The following SPMAP2L variants were observed in gnomAD, a reference collection of about 807,000 sequenced individuals.
SPMAP2L encodes the protein sperm microtubule associated protein 2-like.
the SPMAP2L span, chr4:56,593,380 C>G: frequency 1.6e-6 from 2 of 1,276,628 alleles, no homozygotes; most frequent in South Asian, 2.4e-5. Flanking sequence ...TACTGGAGTC[C>G]TCATTGAGCT....
chr4:56,563,450 T>G, the SPMAP2L span, among the ~76,000 whole-genome samples: 1 of 151,916 alleles, frequency 6.6e-6, no homozygotes, highest in Non-Finnish European at 1.5e-5. Context: ...TTTTGGTGCT[T>G]GCTGGTTGAA....
the SPMAP2L span, among the ~76,000 whole-genome samples, chr4:56,584,058 T>G: frequency 1.3e-5 from 2 of 151,978 alleles, no homozygotes; most frequent in East Asian, 3.9e-4. Flanking sequence ...CCTTGACCTC[T>G]TGGGCTCAAG....
the SPMAP2L span, among the ~76,000 whole-genome samples, chr4:56,611,059 G>A: frequency 2.0e-5 from 3 of 152,276 alleles, no homozygotes; most frequent in East Asian, 5.8e-4. Context: ...ACTAAAAGTA[G>A]AACTATCATT....
At chr4:56,572,942 G>A in the SPMAP2L span, among the ~76,000 whole-genome samples, 2 of 151,838 alleles carry the variant, frequency 1.3e-5, no homozygotes, top group Admixed American at 6.6e-5. Context: ...CTTGAACCCA[G>A]GAGGCAGAGG....
the SPMAP2L span, among the ~76,000 whole-genome samples, chr4:56,558,419 A>G: frequency 6.6e-6 from 1 of 152,090 alleles, no homozygotes; most frequent in Non-Finnish European, 1.5e-5. Context: ...TTGTGGCCAA[A>G]ATTTGTTTTA....
At chr4:56,610,268 G>T in the SPMAP2L span, among the ~76,000 whole-genome samples, 75 of 147,384 alleles carry the variant, frequency 5.1e-4, 1 homozygote, top group Non-Finnish European at 8.9e-4. Context: ...CAATGGAACA[G>T]ATAGAGAACC....
At chr4:56,599,153 G>A in the SPMAP2L span, among the ~76,000 whole-genome samples, 1 of 151,850 alleles carries the variant, frequency 6.6e-6, no homozygotes, top group Non-Finnish European at 1.5e-5. Context: ...CTAAGTGTGT[G>A]TATATATGTA....
At chr4:56,611,816 T>C in the SPMAP2L span, among the ~76,000 whole-genome samples, 9 of 151,852 alleles carry the variant, frequency 5.9e-5, no homozygotes, top group Non-Finnish European at 1.0e-4. Flanking sequence ...CCAAATACGC[T>C]CCCTAAGCCA....
the SPMAP2L span, among the ~76,000 whole-genome samples, chr4:56,573,863 G>A: frequency 2.2e-4 from 33 of 152,222 alleles, 1 homozygote; most frequent in Middle Eastern, 0.01. Context: ...AGTCTTATAT[G>A]CAGATTGAGG....
chr4:56,551,048 C>T, the SPMAP2L span, among the ~76,000 whole-genome samples: 29 of 152,132 alleles, frequency 1.9e-4, no homozygotes, highest in Non-Finnish European at 7.4e-5. Flanking sequence ...CCTCCTCCCA[C>T]GGTGCATCAA....
At chr4:56,615,704 C>T in the SPMAP2L span, among the ~76,000 whole-genome samples, 9 of 152,036 alleles carry the variant, frequency 5.9e-5, no homozygotes, top group Non-Finnish European at 1.0e-4. Context: ...GGTGAGATTG[C>T]GCCACTGCAC....
the SPMAP2L span, among the ~76,000 whole-genome samples, chr4:56,580,190 A>G: frequency 1.3e-5 from 2 of 152,190 alleles, no homozygotes; most frequent in Non-Finnish European, 2.9e-5. Context: ...CTACTAGCAA[A>G]CCAAATCCAA....
the SPMAP2L span, among the ~76,000 whole-genome samples, chr4:56,613,654 G>T: frequency 6.6e-6 from 1 of 152,192 alleles, no homozygotes; most frequent in African/African-American, 2.4e-5. Flanking sequence ...CCTGGCTTCA[G>T]GAAACTTAAA....
chr4:56,584,102 G>A, the SPMAP2L span, among the ~76,000 whole-genome samples: 1 of 152,028 alleles, frequency 6.6e-6, no homozygotes, highest in East Asian at 1.9e-4. Context: ...AAGTAGCTGG[G>A]ACTACAGGCA....
At chr4:56,610,698 A>G in the SPMAP2L span, among the ~76,000 whole-genome samples, 3 of 152,210 alleles carry the variant, frequency 2.0e-5, no homozygotes, top group African/African-American at 4.8e-5. Context: ...TTCACAATCT[A>G]TACATCTGAC....
the SPMAP2L span, chr4:56,601,135 G>A: frequency 1.3e-6 from 2 of 1,525,196 alleles, no homozygotes; most frequent in Admixed American, 2.0e-5. Context: ...GCTAAAGTGG[G>A]ACAGGAAAGG....
At chr4:56,604,460 C>T in the SPMAP2L span, among the ~76,000 whole-genome samples, 3 of 152,118 alleles carry the variant, frequency 2.0e-5, no homozygotes, top group African/African-American at 7.2e-5. Context: ...GGGTTCAAGA[C>T]CAGCCTGACC....
chr4:56,562,504 C>G, the SPMAP2L span, among the ~76,000 whole-genome samples: 1 of 152,060 alleles, frequency 6.6e-6, no homozygotes, highest in East Asian at 1.9e-4. Context: ...TATTTGTGTA[C>G]CATTAAATTA....
At chr4:56,602,827 T>C in the SPMAP2L span, among the ~76,000 whole-genome samples, 6 of 152,218 alleles carry the variant, frequency 3.9e-5, no homozygotes, top group Admixed American at 3.9e-4. Flanking sequence ...AAAAATTTTA[T>C]TTTCTTAAGT....
Sources: allele counts gnomAD v4.1 joint callset (sites outside exome capture counted in the v4.1 genomes callset), GRCh38; gene constraint gnomAD v4.1.1; transcripts MANE v1.5; gene names NCBI Gene and HGNC (gene_info 2026-07-23, HGNC 2026-07-21).